ITPR1: variants seen among roughly 807,000 people sequenced by gnomAD.
ITPR1 encodes inositol 1,4,5-trisphosphate receptor type 1, also known as inositol 1,4,5-trisphosphate-gated calcium channel ITPR1.
In ITPR1, 96 loss-of-function variants were observed where a neutral mutation model predicts 318.4. The observed-to-expected ratio is 0.30, with a 90% CI of 0.26 to 0.36. ITPR1 has a LOEUF of 0.36. ITPR1 is among the 10% of genes least tolerant of loss of function. The probability of loss-of-function intolerance (pLI) is 1.00; values close to 1 mark genes in which losing one functional copy is unlikely to be tolerated. For synonymous variants in ITPR1, 1,312 were observed against 1,289.9 expected (o/e 1.02, Z -0.37); for missense variants, 2,440 against 3,460.2 (o/e 0.71, Z 7.40).
chr3:4,540,867 C>T (rs931382989), intron 4 of ITPR1, among the ~76,000 whole-genome samples: 3 of 152,166 alleles, frequency 2.0e-5, no homozygotes, highest in Admixed American at 6.5e-5. Flanking sequence ...TGAGACACCA[C>T]GCCTAGCTGT....
intron 4 of ITPR1, among the ~76,000 whole-genome samples, chr3:4,586,808 G>A (rs2089953173): frequency 6.6e-6 from 1 of 151,356 alleles, no homozygotes; most frequent in South Asian, 2.1e-4. Flanking sequence ...TGGTTTGTTT[G>A]GTGATCACTG....
chr3:4,758,887 CAT>C (rs1559845220), intron 44 of ITPR1, among the ~76,000 whole-genome samples: 1 of 152,210 alleles, frequency 6.6e-6, no homozygotes, highest in Admixed American at 6.5e-5. Context: ...GTCAGCATCA[CAT>C]GGAAGCTGGG....
At chr3:4,656,775 G>C (rs1175494148) in intron 12 of ITPR1, among the ~76,000 whole-genome samples, 6 of 152,194 alleles carry the variant, frequency 3.9e-5, no homozygotes, top group African/African-American at 7.2e-5. Context: ...AGGGGGCAGA[G>C]CTTCAGCCTA....
Position 4,645,624 on chromosome 3 carries a change from C to T in ITPR1, c.751C>T (p.Leu251Phe). 6.2e-7 allele frequency: 1 copy of T among 1,613,518 alleles called. No homozygotes were observed. Reference protein sequence around the residue: ...RLFHAEQEKFLTCDEHRKKQH... With the variant: ...RLFHAEQEKFFTCDEHRKKQH... ...GTTTCATGCTGAGCAGGAGAAGTTT[C>T]TCACCTGTGACGAACACAGGAAGAA... Residue 251 changes from leucine to phenylalanine, a missense_variant, in exon 10 of 62, where the codon CTC becomes TTC. This residue lies in a region of ITPR1 where 186 missense variants were observed against 323.9 expected (regional missense o/e 0.57). Transcript: ENST00000649015.
At chr3:4,762,141 C>T (rs368253621) in intron 44 of ITPR1, among the ~76,000 whole-genome samples, 10 of 152,148 alleles carry the variant, frequency 6.6e-5, no homozygotes, top group African/African-American at 2.2e-4. Context: ...TCTAGAAACC[C>T]CACTTCTTTC....
At chr3:4,745,842 G>A (rs538780227) in intron 44 of ITPR1, among the ~76,000 whole-genome samples, 9 of 152,208 alleles carry the variant, frequency 5.9e-5, no homozygotes, top group South Asian at 2.1e-4. Context: ...TTGCCCTCTC[G>A]TGTTCCATAG....
chr3:4,817,566 G>T (rs1273403771), intron 59 of ITPR1: 1 of 152,228 alleles, frequency 6.6e-6, no homozygotes, highest in South Asian at 2.1e-4. Context: ...AATACGTACA[G>T]ACTAGAATTG....
chr3:4,719,441 G>A (rs894653806), intron 40 of ITPR1, among the ~76,000 whole-genome samples: 19 of 152,350 alleles, frequency 1.2e-4, no homozygotes, highest in Admixed American at 1.2e-3. Context: ...GTTTGCCGGT[G>A]TGTACTCCTG....
rs375352094 is a variant in ITPR1, at chr3:4,733,004, G to A, written c.5221-84G>A. 1,748 of 1,382,524 alleles carry A rather than the reference G, an allele frequency of 1.3e-3. 1 individual carries two copies. The highest frequency in any genetic ancestry group is 2.5e-3 in the Admixed American group (130 of 51,194). 85.6% of individuals were successfully genotyped at this position (1,382,524 alleles called of 1,614,324 possible). A position where few individuals can be genotyped will look rare whatever the true frequency, so the allele number is the denominator to read the frequency against. On this transcript the variant is annotated intron_variant, in intron 42 of 61. Coordinates refer to ENST00000649015, the MANE Select transcript of ITPR1 (RefSeq NM_001378452.1). ...AAGTGAAACTGGGCCAATTATAACT[G>A]AGTACCCCTGTGTGTTTTGAATATT...
intron 56 of ITPR1, among the ~76,000 whole-genome samples, chr3:4,812,483 C>A (rs1033977493): frequency 6.6e-6 from 1 of 152,106 alleles, no homozygotes; most frequent in Non-Finnish European, 1.5e-5. Context: ...TTACACATAG[C>A]AAGAACAGAA....
chr3:4,590,528 A>G (rs1376609311), intron 4 of ITPR1, among the ~76,000 whole-genome samples: 2 of 149,446 alleles, frequency 1.3e-5, no homozygotes, highest in Non-Finnish European at 3.0e-5. Context: ...CTTCTTAATA[A>G]TAATAATAAT....
chr3:4,602,759 A>T (rs1322280465), intron 4 of ITPR1, among the ~76,000 whole-genome samples: 2 of 152,156 alleles, frequency 1.3e-5, no homozygotes, highest in Non-Finnish European at 2.9e-5. Flanking sequence ...AGCCTGTCAC[A>T]AAAAGGCTAC....
At chr3:4,496,408 T>TA (rs1173137618) in intron 2 of ITPR1, among the ~76,000 whole-genome samples, 3 of 152,192 alleles carry the variant, frequency 2.0e-5, no homozygotes, top group Admixed American at 1.3e-4. Flanking sequence ...CCTTTCAAGA[T>TA]ATCATTCTTA....
chr3:4,735,289 C>T lies in ITPR1; in HGVS notation c.5479C>T (p.Arg1827Ter), dbSNP rs1249951465. Residue 1827 changes from arginine to a stop codon, truncating the protein, a stop_gained, in exon 44 of 62, where the codon CGA becomes TGA. Coordinates refer to ENST00000649015, the MANE Select transcript of ITPR1 (RefSeq NM_001378452.1). LOFTEE classifies it high-confidence loss of function. ...CCTCATCATGAACGCATCCAGTGAC[C>T]GAGTGTTCCATGAAAGCATTCTCCT... ...IDLIMNASSD[R>*]VFHESILLAI... The T allele has an allele frequency of 3.7e-6, 6 of 1,613,770 alleles. No individual in the cohort carries two copies. Among genetic ancestry groups the T allele is most frequent in the Admixed American group, 3.3e-5 (2 of 60,006 alleles).
At chr3:4,563,295 C>G (rs113920843) in intron 4 of ITPR1, among the ~76,000 whole-genome samples, 11,000 of 152,080 alleles carry the variant, frequency 0.072, 539 homozygotes, top group Non-Finnish European at 0.1. Context: ...ATTGCTTGAG[C>G]CCAGGAGTTC....
At chr3:4,822,056 C>T (rs1001655451) in intron 60 of ITPR1, among the ~76,000 whole-genome samples, 8 of 152,194 alleles carry the variant, frequency 5.3e-5, no homozygotes, top group Admixed American at 4.6e-4. Context: ...TGAGAGTTTC[C>T]GCTCTGTGCC....
chr3:4,763,575 T>C (rs2045602656), intron 44 of ITPR1, among the ~76,000 whole-genome samples: 1 of 152,246 alleles, frequency 6.6e-6, no homozygotes, highest in African/African-American at 2.4e-5. Flanking sequence ...TTTGATTTTC[T>C]GTGCTTACTT....
chr3:4,788,718 G>A (rs910947690), intron 52 of ITPR1, among the ~76,000 whole-genome samples: 9 of 152,206 alleles, frequency 5.9e-5, no homozygotes, highest in African/African-American at 2.2e-4. Context: ...TCCCCAGGGG[G>A]CTTCTGTGTT....
intron 2 of ITPR1, among the ~76,000 whole-genome samples, chr3:4,510,670 G>T (rs1311470269): frequency 4.6e-5 from 7 of 152,362 alleles, no homozygotes; most frequent in South Asian, 4.1e-4. Flanking sequence ...AATACAGCAT[G>T]TGCCTTGTAC....
Sources: gnomAD v4.1 joint callset for allele counts (sites outside exome capture counted in the v4.1 genomes callset) on GRCh38, gnomAD v4.1.1 for gene constraint, gnomAD v4.1.1 regional missense constraint, MANE v1.5 for transcripts, NCBI Gene and HGNC (gene_info 2026-07-23, HGNC 2026-07-21) for gene names.